Variants in ANAPC10 observed in about 807,000 individuals in gnomAD.
ANAPC10 encodes anaphase promoting complex subunit 10, also known as anaphase-promoting complex subunit 10.
ANAPC10 carries 12 observed loss-of-function variants against 22.0 expected under a neutral mutation model. The observed-to-expected ratio is 0.55, with a 90% CI of 0.35 to 0.88. The LOEUF (loss-of-function observed/expected upper bound fraction) is 0.88, where lower values mean the gene tolerates loss of function less well. Ranked by LOEUF, ANAPC10 falls within the 40% of genes least tolerant of loss-of-function variation. ANAPC10 has a pLI of 0.01. For missense variants in ANAPC10, 188 were observed against 220.9 expected, an observed-to-expected ratio of 0.85 and a Z score of 0.94; for synonymous variants, 65 against 69.5, an observed-to-expected ratio of 0.94 and a Z score of 0.32.
At chr4:145,024,967 T>C (rs1736447972) in intron 4 of ANAPC10, among the ~76,000 whole-genome samples, 1 of 152,226 alleles carries the variant, frequency 6.6e-6, no homozygotes, top group Non-Finnish European at 1.5e-5. Context: ...TCTGGGTAAC[T>C]TGCTACAGCT....
chr4:145,047,949 G>C (rs1172656822), intron 4 of ANAPC10, among the ~76,000 whole-genome samples: 2 of 152,026 alleles, frequency 1.3e-5, no homozygotes, highest in African/African-American at 4.8e-5. Flanking sequence ...TATTTAGCCA[G>C]AGCTCATAAC....
chr4:145,060,060 G>A (rs868697314), intron 4 of ANAPC10, among the ~76,000 whole-genome samples: 2 of 152,040 alleles, frequency 1.3e-5, no homozygotes, highest in South Asian at 2.1e-4. Flanking sequence ...TGTAGACTCA[G>A]AAATGCTAAA....
intron 4 of ANAPC10, chr4:145,053,862 A>G (rs1250679432): frequency 5.7e-6 from 3 of 527,410 alleles, no homozygotes; most frequent in Non-Finnish European, 1.0e-5. Flanking sequence ...TTCAGCAGGT[A>G]GTTTCAGCAA....
chr4:145,029,226 C>A (rs887243584), intron 4 of ANAPC10, among the ~76,000 whole-genome samples: 11 of 152,104 alleles, frequency 7.2e-5, no homozygotes, highest in Non-Finnish European at 1.3e-4. Context: ...AACATCCCCT[C>A]CCCGACCCAC....
intron 4 of ANAPC10, among the ~76,000 whole-genome samples, chr4:145,061,761 A>T (rs1742924024): frequency 6.6e-6 from 1 of 152,196 alleles, no homozygotes; most frequent in Admixed American, 6.5e-5. Flanking sequence ...CAGAGAACTA[A>T]ACACTGATTA....
intron 4 of ANAPC10, among the ~76,000 whole-genome samples, chr4:145,004,092 C>T (rs1241716070): frequency 6.6e-6 from 1 of 151,982 alleles, no homozygotes; most frequent in Non-Finnish European, 1.5e-5. Context: ...AGGTTTTTCT[C>T]TCTGTGGCTA....
chr4:145,056,692 A>G (rs954118361), intron 4 of ANAPC10, among the ~76,000 whole-genome samples: 2 of 152,172 alleles, frequency 1.3e-5, no homozygotes, highest in Non-Finnish European at 2.9e-5. Context: ...TTATTTAACA[A>G]CTTTTTAATT....
At position 145,030,271 on chromosome 4, in the gene ANAPC10, T is replaced by G. The variant is rs554049104; in HGVS notation, c.327+34301A>C. Among the ~76,000 whole-genome samples, 98 of 152,290 alleles carry G rather than the reference T, an allele frequency of 6.4e-4. 1 individual carries two copies. Among genetic ancestry groups the G allele is most frequent in the Non-Finnish European group, 1.3e-3 (89 of 68,026 alleles). On this transcript the variant is annotated intron_variant, in intron 4 of 4. Coordinates refer to ENST00000507656, the MANE Select transcript of ANAPC10 (RefSeq NM_001256706.2). ...ATCACAGCCTCTCAATTTCCAGACT[T>G]GAGCCAGTTTACAGACCAGAACCCC...
intron 1 of ANAPC10, among the ~76,000 whole-genome samples, chr4:145,096,950 C>A (rs1748625592): frequency 1.3e-5 from 2 of 152,136 alleles, no homozygotes; most frequent in Admixed American, 1.3e-4. Context: ...GTGGCTCACA[C>A]CTGTAATCCC....
At chr4:145,043,350 A>C (rs1478393273) in intron 4 of ANAPC10, among the ~76,000 whole-genome samples, 1 of 152,192 alleles carries the variant, frequency 6.6e-6, no homozygotes, top group East Asian at 1.9e-4. Context: ...ATCAAATTTC[A>C]AACTTTCTAA....
Position 145,030,297 on chromosome 4 carries a change from T to C in ANAPC10, c.327+34275A>G, listed in dbSNP as rs146918946. Among the ~76,000 whole-genome samples, 669 of 152,248 alleles carry C rather than the reference T, an allele frequency of 4.4e-3. 3 individuals are homozygous for C. The highest frequency in any genetic ancestry group is 0.015 in the African/African-American group (614 of 41,546). On this transcript the variant is annotated intron_variant, in intron 4 of 4. Coordinates refer to ENST00000507656, the MANE Select transcript of ANAPC10 (RefSeq NM_001256706.2). Reference sequence around the variant, plus strand: ...GAGCCAGTTTACAGACCAGAACCCCTTGAATGAAGGAGAGGCCAGGTCCCC... The same window carrying C: ...GAGCCAGTTTACAGACCAGAACCCCCTGAATGAAGGAGAGGCCAGGTCCCC...
In ANAPC10 at chr4:145,014,172, G is replaced by A. The variant is rs150025022; in HGVS notation, c.328-18569C>T. ...CTAAAATCCTTTTATTTCATAGCTC[G>A]GAGGTGGGTACCATGGGGCAAGTTC... On this transcript the variant is annotated intron_variant, in intron 4 of 4. Transcript: ENST00000507656. Among the ~76,000 whole-genome samples the A allele has an allele frequency of 2.3e-3, 347 of 152,166 alleles. 4 individuals carry two copies. The highest frequency in any genetic ancestry group is 5.7e-3 in the African/African-American group (235 of 41,474).
intron 3 of ANAPC10, among the ~76,000 whole-genome samples, chr4:145,079,415 T>C (rs1745636400): frequency 6.6e-6 from 1 of 152,220 alleles, no homozygotes; most frequent in African/African-American, 2.4e-5. Context: ...AGGGAATACT[T>C]ATACACTGCT....
intron 2 of ANAPC10, among the ~76,000 whole-genome samples, chr4:145,087,706 T>C (rs1747096638): frequency 6.6e-6 from 1 of 152,126 alleles, no homozygotes; most frequent in African/African-American, 2.4e-5. Flanking sequence ...TGGACAGCAC[T>C]GATAGATTTA....
At chr4:145,092,452 A>C (rs1747815714) in intron 2 of ANAPC10, among the ~76,000 whole-genome samples, 2 of 152,200 alleles carry the variant, frequency 1.3e-5, no homozygotes. Context: ...AAAAAAGATT[A>C]CAGATTGTCC....
At chr4:145,032,696 G>A (rs923401707) in intron 4 of ANAPC10, among the ~76,000 whole-genome samples, 3 of 152,172 alleles carry the variant, frequency 2.0e-5, no homozygotes, top group Admixed American at 1.3e-4. Flanking sequence ...CAAGGCTGAC[G>A]TGGCTACGGC....
chr4:145,008,093 G>T (rs1445630273), intron 4 of ANAPC10, among the ~76,000 whole-genome samples: 4 of 151,484 alleles, frequency 2.6e-5, no homozygotes, highest in Non-Finnish European at 5.9e-5. Context: ...AAGAAGAAAT[G>T]GATAAATTCC....
At chr4:145,090,233 A>C (rs552224401) in intron 2 of ANAPC10, among the ~76,000 whole-genome samples, 69 of 152,304 alleles carry the variant, frequency 4.5e-4, no homozygotes, top group Middle Eastern at 3.4e-3. Flanking sequence ...GATTACTTAT[A>C]ATACCTAATA....
At chr4:145,000,938 G>T (rs549549101) in intron 4 of ANAPC10, among the ~76,000 whole-genome samples, 5 of 151,974 alleles carry the variant, frequency 3.3e-5, no homozygotes, top group African/African-American at 7.3e-5. Context: ...GCCAACTATC[G>T]CAAGGACAGA....
Sources: allele counts gnomAD v4.1 joint callset (sites outside exome capture counted in the v4.1 genomes callset), GRCh38; gene constraint gnomAD v4.1.1; transcripts MANE v1.5; gene names NCBI Gene and HGNC (gene_info 2026-07-23, HGNC 2026-07-21).